NFATC1: variants seen among roughly 807,000 people sequenced by gnomAD.
NFATC1 encodes the protein nuclear factor of activated T cells 1, also known as nuclear factor of activated T-cells, cytoplasmic 1.
Under a neutral mutation model 76.0 loss-of-function variants are expected in NFATC1, and 22 were observed. That is an observed-to-expected ratio of 0.29 (90% CI 0.21 to 0.41). The LOEUF (loss-of-function observed/expected upper bound fraction) is 0.41, where lower values mean the gene tolerates loss of function less well. Among genes scored for constraint, NFATC1 ranks in the 10% least tolerant of loss-of-function variants. The pLI is 1.00. For synonymous variants in NFATC1, 704 were observed against 613.1 expected, an observed-to-expected ratio of 1.15 and a Z score of -2.19; for missense variants, 1,357 against 1,337.7, an observed-to-expected ratio of 1.01 and a Z score of -0.23.
rs143180395 is a variant in NFATC1, at chr18:79,411,379, C to T, written c.1104C>T (p.Pro368=). 9.1e-4 allele frequency: 1,440 copies of T among 1,584,504 alleles called. 11 individuals carry two copies. The African/African-American group carries it at 0.016, about 18-fold the overall frequency. The change falls in exon 2 of 10, where the codon CCC becomes CCT. Residue 368 remains proline, a synonymous_variant. Transcript: ENST00000427363. The part of the protein sequence containing the change: ...GSPPPPADFA[P]EDYSSFQHIR... Reference sequence around the variant, plus strand: ...CCCCGCCCCCGGCCGACTTCGCGCCCGAAGACTACTCCTCTTTCCAGCACA... The same window carrying T: ...CCCCGCCCCCGGCCGACTTCGCGCCTGAAGACTACTCCTCTTTCCAGCACA...
intron 3 of NFATC1, among the ~76,000 whole-genome samples, chr18:79,441,895 T>TA (rs1264945914): frequency 6.6e-6 from 1 of 152,148 alleles, no homozygotes; most frequent in African/African-American, 2.4e-5. Context: ...TAATTAAATC[T>TA]AAACGTGGTG....
At chr18:79,445,618 G>T (rs1447394724) in intron 3 of NFATC1, among the ~76,000 whole-genome samples, 8 of 152,238 alleles carry the variant, frequency 5.3e-5, no homozygotes, top group Admixed American at 4.6e-4. Context: ...AAACCGGTTT[G>T]TGAGCCGGAT....
intron 9 of NFATC1, among the ~76,000 whole-genome samples, chr18:79,511,763 G>T (rs1431886556): frequency 6.6e-6 from 1 of 152,104 alleles, no homozygotes; most frequent in Non-Finnish European, 1.5e-5. Flanking sequence ...GGGCCAGCCG[G>T]TGAGGCACTG....
At chr18:79,458,228 C>T (rs774956306) in intron 6 of NFATC1, among the ~76,000 whole-genome samples, 16 of 152,302 alleles carry the variant, frequency 1.1e-4, no homozygotes, top group Non-Finnish European at 1.5e-4. Context: ...GGGGGAGAGC[C>T]GGGGATGGAT....
chr18:79,412,867 A>T (rs1490145914), intron 2 of NFATC1, among the ~76,000 whole-genome samples: 1 of 152,176 alleles, frequency 6.6e-6, no homozygotes, highest in Non-Finnish European at 1.5e-5. Flanking sequence ...CAGTGGGCGC[A>T]TTTACCTTTC....
intron 8 of NFATC1, among the ~76,000 whole-genome samples, chr18:79,483,185 T>C (rs1433850859): frequency 3.0e-5 from 3 of 101,386 alleles, no homozygotes; most frequent in African/African-American, 4.0e-5. Flanking sequence ...TGGGGTGTAA[T>C]TCCAGCGTGA....
intron 7 of NFATC1, among the ~76,000 whole-genome samples, chr18:79,463,303 G>A (rs776104262): frequency 3.9e-5 from 6 of 152,250 alleles, no homozygotes; most frequent in Non-Finnish European, 5.9e-5. Flanking sequence ...GCAGGCCAGT[G>A]TTCAGAGGAA....
chr18:79,430,776 CTTTG>C (rs996860974), intron 2 of NFATC1, among the ~76,000 whole-genome samples: 4 of 151,302 alleles, frequency 2.6e-5, no homozygotes, highest in African/African-American at 4.8e-5. Flanking sequence ...TCATCTGCGA[CTTTG>C]TTTGGTGCCT....
At position 79,402,763 on chromosome 18, in the gene NFATC1, C is replaced by T. The variant is rs575280980; in HGVS notation, c.127+6412C>T. Reference sequence around the variant, plus strand: ...CCGTGAGACACCGTGCTGTTTTCTCCTTTCTTTTTATTACCATTATTACTG... The same window carrying T: ...CCGTGAGACACCGTGCTGTTTTCTCTTTTCTTTTTATTACCATTATTACTG... On this transcript the variant is annotated intron_variant, in intron 1 of 9. Transcript: ENST00000427363. Among the ~76,000 whole-genome samples, 9 of 152,228 alleles carry T rather than the reference C, an allele frequency of 5.9e-5. No individual in the cohort carries two copies. The South Asian group carries it at 1.2e-3, about 21-fold the overall frequency.
intron 9 of NFATC1, among the ~76,000 whole-genome samples, chr18:79,495,526 A>G (rs1202405003): frequency 2.0e-5 from 3 of 152,218 alleles, no homozygotes; most frequent in Non-Finnish European, 4.4e-5. Flanking sequence ...TAGTAACTGG[A>G]GAGAGAGACA....
chr18:79,398,800 G>T (rs1458776687), intron 1 of NFATC1, among the ~76,000 whole-genome samples: 1 of 152,278 alleles, frequency 6.6e-6, no homozygotes, highest in African/African-American at 2.4e-5. Context: ...CGGGCGCCGC[G>T]GCTCACGCCT....
intron 2 of NFATC1, among the ~76,000 whole-genome samples, chr18:79,418,011 G>A (rs888378646): frequency 6.6e-5 from 10 of 152,000 alleles, no homozygotes; most frequent in East Asian, 1.9e-4. Context: ...CTGTGGATGC[G>A]TCCTATTCAG....
At chr18:79,413,438 C>T (rs1354654975) in intron 2 of NFATC1, among the ~76,000 whole-genome samples, 1 of 152,196 alleles carries the variant, frequency 6.6e-6, no homozygotes, top group African/African-American at 2.4e-5. Flanking sequence ...GGCTTGGAGG[C>T]GCCGTCTTCT....
At position 79,436,241 on chromosome 18, in the gene NFATC1, G is replaced by A. The variant is rs147064822; in HGVS notation, c.1386+2503G>A. ...CGAGGCTCATCGCACTGGCCTGGGG[G>A]CGCGAGGACGAGGCCGTGGGTAGTG... On this transcript the variant is annotated intron_variant, in intron 3 of 9. Transcript: ENST00000427363. Among the ~76,000 whole-genome samples the A allele has an allele frequency of 9.1e-3, 1,390 of 152,358 alleles. 21 individuals are homozygous for A. The highest frequency in any genetic ancestry group is 0.032 in the African/African-American group (1,327 of 41,578).
At chr18:79,480,852 G>A (rs1193851912) in intron 8 of NFATC1, among the ~76,000 whole-genome samples, 1 of 152,242 alleles carries the variant, frequency 6.6e-6, no homozygotes, top group Non-Finnish European at 1.5e-5. Flanking sequence ...CCCCATGCCT[G>A]GCCATGTTTC....
At chr18:79,522,195 T>TG (rs1223541660) in intron 9 of NFATC1, among the ~76,000 whole-genome samples, 6 of 25,594 alleles carry the variant, frequency 2.3e-4, no homozygotes, top group Admixed American at 7.3e-4. Flanking sequence ...TTTGTGTGTG[T>TG]GGGGGGGGGT....
intron 2 of NFATC1, among the ~76,000 whole-genome samples, chr18:79,414,610 T>C (rs2085812873): frequency 6.6e-6 from 1 of 152,192 alleles, no homozygotes; most frequent in African/African-American, 2.4e-5. Context: ...TTGATAGTTT[T>C]AGAGTTTGGA....
At chr18:79,502,228 AG>A (rs1231931990) in intron 9 of NFATC1, among the ~76,000 whole-genome samples, 5 of 152,252 alleles carry the variant, frequency 3.3e-5, no homozygotes, top group Non-Finnish European at 5.9e-5. Context: ...TTTTTGACAA[AG>A]GCACAAAGCC....
intron 2 of NFATC1, among the ~76,000 whole-genome samples, chr18:79,427,122 A>T (rs1757104296): frequency 2.6e-5 from 4 of 152,012 alleles, no homozygotes; most frequent in Admixed American, 2.0e-4. Context: ...GCGTCTTGGC[A>T]GGGGGGCCCG....
Sources: allele counts gnomAD v4.1 joint callset (sites outside exome capture counted in the v4.1 genomes callset), GRCh38; gene constraint gnomAD v4.1.1; transcripts MANE v1.5; gene names NCBI Gene and HGNC (gene_info 2026-07-23, HGNC 2026-07-21).